CORO7: variants seen among roughly 807,000 people sequenced by gnomAD.
CORO7 encodes the protein coronin-7.
CORO7 carries 107 observed loss-of-function variants against 126.6 expected under a neutral mutation model. That is an observed-to-expected ratio of 0.85 (90% confidence interval 0.72 to 0.99). The LOEUF (loss-of-function observed/expected upper bound fraction) is 0.99. Among genes scored for constraint, CORO7 ranks in the 50% least tolerant of loss-of-function variants. CORO7 has a pLI of 0.00. For synonymous variants in CORO7, 603 were observed against 536.8 expected (o/e 1.12, Z -1.70); for missense variants, 1,314 against 1,255.8 (o/e 1.05, Z -0.70).
At chr16:4,393,372 T>C (rs192756002) in intron 7 of CORO7, among the ~76,000 whole-genome samples, 249 of 152,346 alleles carry the variant, frequency 1.6e-3, no homozygotes, top group Middle Eastern at 6.8e-3. Context: ...AGCCACCATC[T>C]ACCAGGCCCA....
intron 5 of CORO7, among the ~76,000 whole-genome samples, chr16:4,406,565 G>A (rs767250502): frequency 9.2e-5 from 14 of 152,150 alleles, no homozygotes; most frequent in Non-Finnish European, 1.9e-4. Flanking sequence ...ATCCCAAAGT[G>A]CTGGGATTAC....
chr16:4,394,113 A>C (rs760151619), intron 7 of CORO7, among the ~76,000 whole-genome samples: 1 of 151,730 alleles, frequency 6.6e-6, no homozygotes, highest in Non-Finnish European at 1.5e-5. Context: ...CACCCAAAAA[A>C]AGAAATGTAA....
At chr16:4,413,266 CGA>C in intron 2 of CORO7, 40 bp downstream of exon 2, 1 of 1,538,830 alleles carries the variant, frequency 6.5e-7, no homozygotes, top group East Asian at 2.4e-5. Flanking sequence ...TGACGATGAC[CGA>C]ATATGTGAGC....
intron 6 of CORO7, among the ~76,000 whole-genome samples, chr16:4,399,192 T>G (rs964987310): frequency 1.3e-5 from 2 of 152,206 alleles, no homozygotes; most frequent in African/African-American, 4.8e-5. Flanking sequence ...ACACCCATGT[T>G]CATAGCAGCA....
Position 4,407,292 on chromosome 16 carries a change from A to G in CORO7, c.487+209T>C, listed in dbSNP as rs556778692. ...AAAAACAACAGAAAAAAAAAAAAACAGGTAAGAGGATGAAACTGATGGCTA... is the reference window on the plus strand; with the variant it reads ...AAAAACAACAGAAAAAAAAAAAAACGGGTAAGAGGATGAAACTGATGGCTA... On this transcript the variant is annotated intron_variant, in intron 5 of 27. Coordinates refer to ENST00000251166, the MANE Select transcript of CORO7 (RefSeq NM_024535.5). 2.6e-5 allele frequency among the ~76,000 whole-genome samples: 4 copies of G among 151,504 alleles called. No homozygotes were observed. The East Asian group carries it at 5.8e-4, about 22-fold the overall frequency.
chr16:4,381,140 T>C (rs1330880985), intron 9 of CORO7: 1 of 1,610,332 alleles, frequency 6.2e-7, no homozygotes, highest in Non-Finnish European at 8.5e-7. Flanking sequence ...CAGAACCAGA[T>C]CGCCAGCCTG....
At chr16:4,388,437 C>G (rs1381658047) in intron 8 of CORO7, 108 bp downstream of exon 8, 1 of 1,271,024 alleles carries the variant, frequency 7.9e-7, no homozygotes, top group Non-Finnish European at 1.1e-6. Flanking sequence ...ATGGACAGGC[C>G]TGGAACTGGC....
chr16:4,360,840 C>G (rs1189805504), intron 19 of CORO7, 103 bp downstream of exon 19: 13 of 1,521,118 alleles, frequency 8.5e-6, no homozygotes, highest in Non-Finnish European at 1.1e-5. Flanking sequence ...GGTCCTGCCT[C>G]TCCTCACTGC....
At chr16:4,376,401 G>A (rs112018308) in intron 9 of CORO7, among the ~76,000 whole-genome samples, 1,659 of 152,280 alleles carry the variant, frequency 0.011, 25 homozygotes, top group African/African-American at 0.038. Flanking sequence ...CATGAGGAGC[G>A]GGGGCCCGGA....
At chr16:4,359,236 C>T in intron 23 of CORO7, 60 bp downstream of exon 23, 3 of 1,506,654 alleles carry the variant, frequency 2.0e-6, no homozygotes, top group East Asian at 4.7e-5. Flanking sequence ...CCCACATGGC[C>T]ACCAGGGGGC....
At chr16:4,359,672 T>C (rs180933172) in intron 21 of CORO7, 51 bp from the exon 22 acceptor site, 21,543 of 1,542,708 alleles carry the variant, frequency 0.014, 200 homozygotes, top group Non-Finnish European at 0.016. Context: ...TGAAGGGGCC[T>C]GGGGCAGGGA....
At chr16:4,395,463 C>A in intron 6 of CORO7, 124 bp from the exon 7 acceptor site, 1 of 1,243,584 alleles carries the variant, frequency 8.0e-7, no homozygotes, top group South Asian at 1.3e-5. Context: ...GCAGGGCTGC[C>A]ATCACACACC....
intron 10 of CORO7, 114 bp from the exon 11 acceptor site, chr16:4,365,174 G>T: frequency 6.8e-7 from 1 of 1,470,978 alleles, no homozygotes; most frequent in Non-Finnish European, 9.2e-7. Flanking sequence ...AACCACAGTG[G>T]CTGGAGATGG....
chr16:4,416,396 C>T (rs1311822843), intron 1 of CORO7, 63 bp downstream of exon 1: 1 of 1,484,072 alleles, frequency 6.7e-7, no homozygotes, highest in South Asian at 1.3e-5. Context: ...GGGGTCCGGG[C>T]AGGGGGAGGG....
At chr16:4,356,046 T>A (rs1023423322) in intron 26 of CORO7, among the ~76,000 whole-genome samples, 1 of 151,984 alleles carries the variant, frequency 6.6e-6, no homozygotes, top group African/African-American at 2.4e-5. Context: ...CTCTGCCTCC[T>A]GGGTTCAAGC....
intron 9 of CORO7, chr16:4,371,885 C>T (rs960379743): frequency 3.9e-5 from 6 of 152,222 alleles, no homozygotes; most frequent in African/African-American, 1.2e-4. Context: ...TGGACGCGGA[C>T]TCGAACGCAG....
chr16:4,399,345 A>C (rs1031421279), intron 6 of CORO7, among the ~76,000 whole-genome samples: 14 of 152,250 alleles, frequency 9.2e-5, no homozygotes, highest in African/African-American at 3.1e-4. Flanking sequence ...TTGACGATGC[A>C]GCATTTCATT....
chr16:4,364,444 G>C (rs1295376025), intron 13 of CORO7, 31 bp from the exon 14 acceptor site: 1 of 1,487,876 alleles, frequency 6.7e-7, no homozygotes, highest in African/African-American at 1.4e-5. Context: ...GGGAGATGGG[G>C]GCATGGGCTG....
intron 3 of CORO7, among the ~76,000 whole-genome samples, chr16:4,411,941 C>A (rs1337505101): frequency 6.6e-6 from 1 of 152,122 alleles, no homozygotes; most frequent in Non-Finnish European, 1.5e-5. Context: ...CCCATCTCCA[C>A]CCCTGCAGCC....
Sources: allele counts gnomAD v4.1 joint callset (sites outside exome capture counted in the v4.1 genomes callset), GRCh38; gene constraint gnomAD v4.1.1; transcripts MANE v1.5; gene names NCBI Gene and HGNC (gene_info 2026-07-23, HGNC 2026-07-21).